The following CENPP variants were observed in gnomAD, a reference collection of about 807,000 sequenced individuals.
CENPP encodes the protein centromere protein P.
A neutral mutation model predicts 35.6 loss-of-function variants in CENPP; 24 were observed. That is an observed-to-expected ratio of 0.67 (90% CI 0.49 to 0.95). The LOEUF (loss-of-function observed/expected upper bound fraction) is 0.95, where lower values mean the gene tolerates loss of function less well. CENPP is among the 40% of genes least tolerant of loss of function. CENPP has a pLI of 0.00. For synonymous variants in CENPP, 120 were observed against 125.5 expected (o/e 0.96, Z 0.29); for missense variants, 332 against 345.3 (o/e 0.96, Z 0.31).
intron 5 of CENPP, chr9:92,500,945 G>C (rs373764507): frequency 6.2e-7 from 1 of 1,614,172 alleles, no homozygotes; most frequent in Non-Finnish European, 8.5e-7. Flanking sequence ...CATAGCCAGG[G>C]ATCCGTTCAA....
intron 5 of CENPP, among the ~76,000 whole-genome samples, chr9:92,567,385 T>TATATATAG (rs1850012717): frequency 1.0e-5 from 1 of 95,522 alleles, no homozygotes; most frequent in South Asian, 2.6e-4. Flanking sequence ...TATATATATA[T>TATATATAG]ATATATATAT....
At chr9:92,520,244 C>T (rs916101551) in intron 5 of CENPP, among the ~76,000 whole-genome samples, 1 of 151,596 alleles carries the variant, frequency 6.6e-6, no homozygotes, top group East Asian at 1.9e-4. Context: ...GATTGTACCA[C>T]CGTATTCCAG....
chr9:92,568,883 CTTT>C (rs1459574975), intron 5 of CENPP, among the ~76,000 whole-genome samples: 28 of 152,288 alleles, frequency 1.8e-4, no homozygotes, highest in African/African-American at 6.3e-4. Context: ...TAAATGTCTT[CTTT>C]TGAGAAGTGT....
intron 5 of CENPP, chr9:92,500,904 T>A: frequency 1.2e-6 from 2 of 1,614,148 alleles, no homozygotes; most frequent in Non-Finnish European, 1.7e-6. Flanking sequence ...CAGGTACAAG[T>A]ATTCCAGGCC....
Position 92,591,933 on chromosome 9 carries a change from A to T in CENPP, c.565-19381A>T, listed in dbSNP as rs940752500. Among the ~76,000 whole-genome samples, 6 of 152,206 alleles carry T rather than the reference A, an allele frequency of 3.9e-5. No homozygotes were observed. The South Asian group carries it at 8.3e-4, about 21-fold the overall frequency. ...TTCATGAGGTCAGGAATACTGTCTT[A>T]TTTTTTAACTTTTTGTTGAAATATA... On this transcript the variant is annotated intron_variant, in intron 5 of 7. Coordinates refer to ENST00000375587, the MANE Select transcript of CENPP (RefSeq NM_001012267.3).
chr9:92,479,461 T>C lies in CENPP; in HGVS notation c.564+99602T>C, dbSNP rs142792490. Among the ~76,000 whole-genome samples, 985 of 152,340 alleles carry C rather than the reference T, an allele frequency of 6.5e-3. 13 individuals are homozygous for C. The highest frequency in any genetic ancestry group is 0.019 in the African/African-American group (805 of 41,580). ...CCACTTTTATATAGTAGTTAGGCCC[T>C]TTCCTGGAGAATAAGAGATGAAGAC... On this transcript the variant is annotated intron_variant, in intron 5 of 7. Coordinates refer to ENST00000375587, the MANE Select transcript of CENPP (RefSeq NM_001012267.3).
intron 5 of CENPP, among the ~76,000 whole-genome samples, chr9:92,585,254 T>G (rs1338018630): frequency 6.6e-6 from 1 of 152,192 alleles, no homozygotes; most frequent in Non-Finnish European, 1.5e-5. Context: ...AGAAATATAG[T>G]CTTCATTCTA....
At chr9:92,458,961 T>C (rs1408573500) in intron 5 of CENPP, among the ~76,000 whole-genome samples, 1 of 152,212 alleles carries the variant, frequency 6.6e-6, no homozygotes, top group African/African-American at 2.4e-5. Context: ...CCAGTTTTGT[T>C]CTCAAGCTCC....
rs879714924 is a variant in CENPP, at chr9:92,605,255, C to T, written c.565-6059C>T. Among the ~76,000 whole-genome samples, 8 of 152,208 alleles carry T rather than the reference C, an allele frequency of 5.3e-5. No homozygotes were observed. In the East Asian group the frequency reaches 7.7e-4, roughly 15 times the overall value. On this transcript the variant is annotated intron_variant, in intron 5 of 7. Transcript: ENST00000375587. Reference sequence around the variant, plus strand: ...CCACCTGCCTTGGCCGCCCAAAGTGCCGTAATTACAGGTGTGAACCACTGC... The same window carrying T: ...CCACCTGCCTTGGCCGCCCAAAGTGTCGTAATTACAGGTGTGAACCACTGC...
chr9:92,522,756 C>T (rs772000948), intron 5 of CENPP: 1 of 1,614,002 alleles, frequency 6.2e-7, no homozygotes, highest in East Asian at 2.2e-5. Flanking sequence ...TTTTCCTCAA[C>T]CTTCTGTGGT....
At chr9:92,547,763 A>C (rs926256986) in intron 5 of CENPP, among the ~76,000 whole-genome samples, 11 of 152,218 alleles carry the variant, frequency 7.2e-5, no homozygotes, top group African/African-American at 2.7e-4. Flanking sequence ...TATACTAAAA[A>C]CCATGGAATT....
At chr9:92,538,111 T>C (rs573571309) in intron 5 of CENPP, among the ~76,000 whole-genome samples, 2 of 152,278 alleles carry the variant, frequency 1.3e-5, no homozygotes, top group African/African-American at 4.8e-5. Flanking sequence ...AACACCTCTT[T>C]CTGTACAAAA....
Position 92,501,006 on chromosome 9 carries a change from G to A in CENPP, c.565-110308G>A, listed in dbSNP as rs775261362. 4.5e-5 allele frequency: 72 copies of A among 1,614,126 alleles called. No individual in the cohort carries two copies. The highest frequency in any genetic ancestry group is 4.9e-5 in the Non-Finnish European group (58 of 1,180,008). ...CAGCAAGGACTTGGGTAGATAGGACGGGACGTGATAGAGCTTGTTGTAGGA... is the reference window on the plus strand; with the variant it reads ...CAGCAAGGACTTGGGTAGATAGGACAGGACGTGATAGAGCTTGTTGTAGGA... On this transcript the variant is annotated intron_variant, in intron 5 of 7. Transcript: ENST00000375587.
chr9:92,334,153 C>T (rs1840846210), intron 2 of CENPP, among the ~76,000 whole-genome samples: 1 of 146,762 alleles, frequency 6.8e-6, no homozygotes, highest in South Asian at 2.2e-4. Context: ...CAGAGTCTTC[C>T]TCTGTCGCCC....
Position 92,474,940 on chromosome 9 carries a change from G to T in CENPP, c.564+95081G>T, listed in dbSNP as rs3739606. ...GACCAGTCTAGGACTAAACAGACAT[G>T]GGATATTAAATTTAAATGGATATAA... On this transcript the variant is annotated intron_variant, in intron 5 of 7. Transcript: ENST00000375587. 0.33 allele frequency: 497,695 copies of T among 1,530,602 alleles called. 86,726 individuals carry two copies. The highest frequency in any genetic ancestry group is 0.67 in the African/African-American group (47,480 of 71,030). The allele number at this position is 1,530,602 out of a possible 1,614,324, so 94.8% of individuals were successfully genotyped here. A position where few individuals can be genotyped will look rare whatever the true frequency, so the allele number is the denominator to read the frequency against.
At chr9:92,517,723 G>A in intron 5 of CENPP, 1 of 1,614,094 alleles carries the variant, frequency 6.2e-7, no homozygotes, top group Non-Finnish European at 8.5e-7. Flanking sequence ...TCCCCTTCAG[G>A]TATAACTGTT....
chr9:92,345,814 T>C, intron 4 of CENPP, 27 bp downstream of exon 4: 1 of 1,424,836 alleles, frequency 7.0e-7, no homozygotes, highest in East Asian at 2.3e-5. Flanking sequence ...ACTTACTTTT[T>C]TAGAGAAAAA....
chr9:92,357,882 A>G (rs952173395), intron 4 of CENPP, among the ~76,000 whole-genome samples: 1 of 151,954 alleles, frequency 6.6e-6, no homozygotes, highest in Non-Finnish European at 1.5e-5. Context: ...CACTTTGAAT[A>G]TATGACCTCA....
intron 5 of CENPP, among the ~76,000 whole-genome samples, chr9:92,480,186 T>C (rs192167042): frequency 1.1e-4 from 17 of 152,344 alleles, no homozygotes; most frequent in Admixed American, 3.9e-4. Flanking sequence ...TGTTTTCCAC[T>C]CATGGAAAGC....
Sources: allele counts gnomAD v4.1 joint callset (sites outside exome capture counted in the v4.1 genomes callset), GRCh38; gene constraint gnomAD v4.1.1; transcripts MANE v1.5; gene names NCBI Gene and HGNC (gene_info 2026-07-23, HGNC 2026-07-21).